IKZF2: variants seen among roughly 807,000 people sequenced by gnomAD.
The protein encoded by IKZF2 is zinc finger protein Helios.
A neutral mutation model predicts 49.2 loss-of-function variants in IKZF2; 15 were observed. The ratio of observed to expected loss-of-function variants is 0.30; its 90% CI spans 0.20 to 0.47. The LOEUF (loss-of-function observed/expected upper bound fraction) is 0.47. Among genes scored for constraint, IKZF2 ranks in the 20% least tolerant of loss-of-function variants. The pLI, the probability that IKZF2 is intolerant of heterozygous loss-of-function variation, is 1.00. For synonymous variants in IKZF2, 227 were observed against 221.4 expected, an observed-to-expected ratio of 1.03 and a Z score of -0.23; for missense variants, 567 against 664.6, an observed-to-expected ratio of 0.85 and a Z score of 1.61.
intron 6 of IKZF2, among the ~76,000 whole-genome samples, chr2:213,026,345 C>A (rs1296584457): frequency 6.6e-6 from 1 of 152,132 alleles, no homozygotes; most frequent in Non-Finnish European, 1.5e-5. Context: ...TTCCAACACT[C>A]TATCATTCTA....
At chr2:213,036,755 T>C (rs959470288) in intron 6 of IKZF2, among the ~76,000 whole-genome samples, 3 of 152,204 alleles carry the variant, frequency 2.0e-5, no homozygotes, top group African/African-American at 7.2e-5. Context: ...TTATGATGAA[T>C]GATACTTGGT....
intron 4 of IKZF2, among the ~76,000 whole-genome samples, chr2:213,072,973 T>C (rs902742141): frequency 5.3e-5 from 8 of 152,142 alleles, no homozygotes; most frequent in Non-Finnish European, 8.8e-5. Flanking sequence ...TTTTCATTCA[T>C]TTAATAATGC....
intron 7 of IKZF2, chr2:213,021,753 G>A (rs1490777841): frequency 3.5e-6 from 2 of 567,058 alleles, no homozygotes; most frequent in Non-Finnish European, 6.5e-6. Context: ...AGAGTAAATA[G>A]TACCTTCCTT....
At chr2:213,065,668 CATTTTACAAATGAGGAA>C (rs1702097791) in intron 4 of IKZF2, among the ~76,000 whole-genome samples, 1 of 152,004 alleles carries the variant, frequency 6.6e-6, no homozygotes, top group Non-Finnish European at 1.5e-5. Flanking sequence ...ATTTTATCCT[CATTTTACAAATGAGGAA>C]ACTGAAGCTT....
intron 4 of IKZF2, among the ~76,000 whole-genome samples, chr2:213,114,803 G>C (rs779714687): frequency 2.0e-5 from 3 of 151,778 alleles, no homozygotes; most frequent in African/African-American, 7.3e-5. Flanking sequence ...ATGGTAGCGC[G>C]CGCCTGTAGT....
At chr2:213,056,338 G>A (rs1055830641) in intron 5 of IKZF2, among the ~76,000 whole-genome samples, 4 of 152,194 alleles carry the variant, frequency 2.6e-5, no homozygotes, top group East Asian at 1.9e-4. Flanking sequence ...AACTACAAAA[G>A]CACCTGCCTG....
At chr2:213,011,999 C>G in intron 8 of IKZF2, among the ~76,000 whole-genome samples, 1 of 151,828 alleles carries the variant, frequency 6.6e-6, no homozygotes, top group East Asian at 1.9e-4. Context: ...GAGGGAGAGA[C>G]AAGTAGATAT....
chr2:213,108,351 A>G (rs763346823), intron 4 of IKZF2, among the ~76,000 whole-genome samples: 3 of 152,158 alleles, frequency 2.0e-5, no homozygotes, highest in Admixed American at 6.6e-5. Context: ...AGCTTTATGT[A>G]CTACTTCTGC....
At chr2:213,065,308 C>T (rs1241758010) in intron 4 of IKZF2, among the ~76,000 whole-genome samples, 2 of 151,988 alleles carry the variant, frequency 1.3e-5, no homozygotes, top group African/African-American at 4.8e-5. Context: ...TTCATCAGAA[C>T]ATTTGCCTTA....
intron 6 of IKZF2, among the ~76,000 whole-genome samples, chr2:213,025,579 A>G (rs116701410): frequency 6.6e-6 from 1 of 152,272 alleles, no homozygotes; most frequent in Non-Finnish European, 1.5e-5. Flanking sequence ...ACTCAATTTT[A>G]AATTGATAAT....
rs1375864760 is a variant in IKZF2 at position 213,007,425 on chromosome 2, A to G, written c.1516T>C (p.Tyr506His). 6.2e-7 allele frequency: 1 copy of G among 1,613,548 alleles called. No homozygotes were observed. The highest frequency in any genetic ancestry group is 1.7e-5 in the Admixed American group (1 of 59,940). The change falls in exon 9 of 9, where the codon TAC (tyrosine) becomes CAC (histidine). Residue 506 changes from tyrosine (Y) to histidine (H), a missense_variant. Coordinates refer to ENST00000434687, the MANE Select transcript of IKZF2 (RefSeq NM_001387220.1). ...AACTCATAACGGTCCTGGCTTCTGT[A>G]GCCACAGATGTTGCATTCCAGTGGG... ...RDPLECNICG[Y>H]RSQDRYEFSS...
At position 213,000,825 on chromosome 2, in the gene IKZF2, G is replaced by A. The variant is rs1484773773; in HGVS notation, c.*6535C>T. The stretch of plus-strand genomic sequence containing the variant: ...AGGTTCTTAATTTAGAGCATTGGGC[G>A]AGGGTCTAAGAAGATTCAATCTGTA... On this transcript the variant is annotated 3_prime_UTR_variant, in exon 9 of 9. Coordinates refer to ENST00000434687, the MANE Select transcript of IKZF2 (RefSeq NM_001387220.1). 6.6e-6 allele frequency: 1 copy of A among 151,526 alleles called. No individual in the cohort carries two copies. Among genetic ancestry groups the A allele is most frequent in the Non-Finnish European group, 1.5e-5 (1 of 67,578 alleles). 9.4% of individuals were successfully genotyped at this position (151,526 alleles called of 1,614,324 possible). A position where few individuals can be genotyped will look rare whatever the true frequency, so the allele number is the denominator to read the frequency against.
At chr2:213,075,585 A>T (rs13022006) in intron 4 of IKZF2, among the ~76,000 whole-genome samples, 9 of 152,070 alleles carry the variant, frequency 5.9e-5, no homozygotes, top group South Asian at 2.1e-4. Context: ...CTCTCATTTG[A>T]GAATCTGAAT....
intron 4 of IKZF2, among the ~76,000 whole-genome samples, chr2:213,135,772 G>C (rs2060634823): frequency 1.3e-5 from 2 of 151,788 alleles, no homozygotes; most frequent in African/African-American, 2.4e-5. Flanking sequence ...AAAGAGAAGA[G>C]AAGACAAGAC....
chr2:213,098,310 G>C (rs1333957151), intron 4 of IKZF2, among the ~76,000 whole-genome samples: 1 of 152,022 alleles, frequency 6.6e-6, no homozygotes, highest in East Asian at 1.9e-4. Context: ...TAGAATCCAA[G>C]TTTCCAATTT....
chr2:213,111,450 G>T (rs1335294540), intron 4 of IKZF2, among the ~76,000 whole-genome samples: 1 of 151,900 alleles, frequency 6.6e-6, no homozygotes, highest in Non-Finnish European at 1.5e-5. Context: ...TTATTTTATT[G>T]TTTATGAATT....
intron 6 of IKZF2, among the ~76,000 whole-genome samples, chr2:213,024,354 A>T (rs1697565267): frequency 6.6e-6 from 1 of 152,158 alleles, no homozygotes; most frequent in Non-Finnish European, 1.5e-5. Context: ...ACTATGTACC[A>T]ATGCTCATGA....
At chr2:213,044,080 C>G (rs1005100090) in intron 6 of IKZF2, among the ~76,000 whole-genome samples, 5 of 152,092 alleles carry the variant, frequency 3.3e-5, no homozygotes, top group Non-Finnish European at 5.9e-5. Flanking sequence ...ATGTGAGGCA[C>G]CAGTAAGAGA....
chr2:213,140,117 A>G (rs2060814502), intron 4 of IKZF2, among the ~76,000 whole-genome samples: 1 of 151,888 alleles, frequency 6.6e-6, no homozygotes, highest in South Asian at 2.1e-4. Context: ...ATATCTCTCT[A>G]AGGAGTTCTG....
Sources: allele counts gnomAD v4.1 joint callset (sites outside exome capture counted in the v4.1 genomes callset), GRCh38; gene constraint gnomAD v4.1.1; transcripts MANE v1.5; gene names NCBI Gene and HGNC (gene_info 2026-07-23, HGNC 2026-07-21).